EPS15L1: variants seen among roughly 807,000 people sequenced by gnomAD.
EPS15L1 encodes the protein epidermal growth factor receptor pathway substrate 15 like 1.
Under a neutral mutation model 117.1 loss-of-function variants are expected in EPS15L1, and 43 were observed. The observed-to-expected ratio is 0.37, with a 90% confidence interval of 0.29 to 0.47. The LOEUF (loss-of-function observed/expected upper bound fraction) is 0.47, where lower values mean the gene tolerates loss of function less well. Ranked by LOEUF, EPS15L1 falls within the 20% of genes least tolerant of loss-of-function variation. The pLI, the probability that EPS15L1 is intolerant of heterozygous loss-of-function variation, is 0.99. For synonymous variants in EPS15L1, 459 were observed against 470.5 expected (o/e 0.98, Z 0.32); for missense variants, 981 against 1,164.0 (o/e 0.84, Z 2.29).
intron 3 of EPS15L1, chr19:16,441,199 G>A (rs2363121): frequency 0.13 from 58,062 of 443,018 alleles, 4,066 homozygotes; most frequent in Non-Finnish European, 0.14. Context: ...GGCCAAGCGC[G>A]GTGGTTCACG....
At chr19:16,459,343 G>A (rs567928693) in intron 1 of EPS15L1, among the ~76,000 whole-genome samples, 2 of 152,276 alleles carry the variant, frequency 1.3e-5, no homozygotes, top group South Asian at 4.1e-4. Flanking sequence ...AAGTTGATTT[G>A]ATGGAAAAGC....
Position 16,404,187 on chromosome 19 carries a change from C to A in EPS15L1, c.1429-257G>T, listed in dbSNP as rs79576962. ...GAATAATGAGGGGCATGACCAAGCA[C>A]GAACAATCTGTCCATCCCCCCAGAG... On this transcript the variant is annotated intron_variant, in intron 14 of 23. Transcript: ENST00000455140. This position sits in a 1 kb window ranked among gnomAD's most constrained non-coding sequence, Gnocchi z 4.2. Among the ~76,000 whole-genome samples the A allele has an allele frequency of 1.3e-5, 2 of 152,176 alleles. No individual in the cohort carries two copies. The highest frequency in any genetic ancestry group is 2.4e-5 in the African/African-American group (1 of 41,444).
Position 16,440,853 on chromosome 19 carries a change from T to G in EPS15L1, c.213+9A>C, listed in dbSNP as rs762600976. The stretch of plus-strand genomic sequence containing the variant: ...CCCCTCCATTTGCTCTGTGTACATG[T>G]GTATATACCTGTTTGTCCAAGAACC... On this transcript the variant is annotated intron_variant, in intron 4 of 23. Transcript: ENST00000455140. The G allele has an allele frequency of 6.2e-7, 1 of 1,614,002 alleles. No homozygotes were observed. Among genetic ancestry groups the G allele is most frequent in the Non-Finnish European group, 8.5e-7 (1 of 1,179,876 alleles).
chr19:16,440,828 C>A (rs1428951616), intron 4 of EPS15L1, 34 bp downstream of exon 4: 4 of 1,609,862 alleles, frequency 2.5e-6, no homozygotes, highest in Non-Finnish European at 2.6e-6. Flanking sequence ...CTCTGCCCAG[C>A]CCCTCCATTT....
Position 16,405,162 on chromosome 19 carries a change from C to G in EPS15L1, c.1267-413G>C, listed in dbSNP as rs1371319823. ...ACCTTGTGGGCAGGGAAGATGCCCA[C>G]AAAAGCAGCATTTAGGATGGGGCCA... On this transcript the variant is annotated intron_variant, in intron 13 of 23. Transcript: ENST00000455140. This position sits in a 1 kb window ranked among gnomAD's most constrained non-coding sequence, Gnocchi z 4.0. Among the ~76,000 whole-genome samples, 1 of 152,204 alleles carries G rather than the reference C, an allele frequency of 6.6e-6. No homozygotes were observed. The highest frequency in any genetic ancestry group is 6.5e-5 in the Admixed American group (1 of 15,284).
chr19:16,453,150 A>G lies in EPS15L1; in HGVS notation c.34-10931T>C, dbSNP rs557250043. On this transcript the variant is annotated intron_variant, in intron 1 of 23. Coordinates refer to ENST00000455140, the MANE Select transcript of EPS15L1 (RefSeq NM_001258374.3). ...AGACTTGCTCTGTCACCCAGGCTAG[A>G]GTACAGTGGTGCCATCATAGCTCAC... 2.6e-5 allele frequency among the ~76,000 whole-genome samples: 4 copies of G among 152,192 alleles called. No individual in the cohort carries two copies. In the East Asian group the frequency reaches 7.7e-4, roughly 29 times the overall value.
chr19:16,418,522 C>G (rs760332867), intron 10 of EPS15L1, among the ~76,000 whole-genome samples: 47 of 152,242 alleles, frequency 3.1e-4, no homozygotes, highest in Admixed American at 6.5e-5. Flanking sequence ...TCTGGGTCAT[C>G]TGAATGGCCC....
chr19:16,440,837 T>G, intron 4 of EPS15L1, 25 bp downstream of exon 4: 5 of 1,613,098 alleles, frequency 3.1e-6, no homozygotes, highest in Non-Finnish European at 4.2e-6. Context: ...GCCCCTCCAT[T>G]TGCTCTGTGT....
rs911316376 is a variant in EPS15L1 at position 16,371,021 on chromosome 19, G to A, written c.2380+6101C>T. On this transcript the variant is annotated intron_variant, in intron 22 of 23. Coordinates refer to ENST00000455140, the MANE Select transcript of EPS15L1 (RefSeq NM_001258374.3). The surrounding 1 kb of genome is among the most constrained non-coding windows in gnomAD (Gnocchi z 4.7). ...TTGTAGAATTTCACATGTACCCACC[G>A]GATTATCTCTCTGAGATCATCGTGG... Among the ~76,000 whole-genome samples, 5 of 152,220 alleles carry A rather than the reference G, an allele frequency of 3.3e-5. No individual in the cohort carries two copies. Among genetic ancestry groups the A allele is most frequent in the Admixed American group, 2.0e-4 (3 of 15,284 alleles).
chr19:16,371,190 C>G lies in EPS15L1; in HGVS notation c.2380+5932G>C, dbSNP rs955594189. Among the ~76,000 whole-genome samples the G allele has an allele frequency of 6.6e-6, 1 of 152,090 alleles. No homozygotes were observed. The highest frequency in any genetic ancestry group is 2.4e-5 in the African/African-American group (1 of 41,404). On this transcript the variant is annotated intron_variant, in intron 22 of 23. Coordinates refer to ENST00000455140, the MANE Select transcript of EPS15L1 (RefSeq NM_001258374.3). This position sits in a 1 kb window ranked among gnomAD's most constrained non-coding sequence, Gnocchi z 4.7. ...CACATGATGGGGAGAGGTCACTGAG[C>G]CCTGGTTTCGATGTTGGCCTGGCAT...
chr19:16,430,895 T>C (rs1301838860), intron 7 of EPS15L1, among the ~76,000 whole-genome samples: 2 of 152,280 alleles, frequency 1.3e-5, no homozygotes, highest in South Asian at 4.1e-4. Flanking sequence ...GATGAATGGA[T>C]CATAGGGATG....
chr19:16,358,307 G>A (rs1465941761), intron 23 of EPS15L1: 2 of 153,114 alleles, frequency 1.3e-5, no homozygotes, highest in Admixed American at 1.3e-4. Flanking sequence ...ATGCACTTAG[G>A]AGGCACGCTG....
rs768910666 is a variant in EPS15L1, at chr19:16,395,325, T to G, written c.1915+19A>C. On this transcript the variant is annotated intron_variant, in intron 17 of 23. Transcript: ENST00000455140. ...AACACACAGTCTTTCAATGAGAAAGTGGGTAGCAAGTGAGATACCTTTGAA... is the reference window on the plus strand; with the variant it reads ...AACACACAGTCTTTCAATGAGAAAGGGGGTAGCAAGTGAGATACCTTTGAA... 1.2e-6 allele frequency: 2 copies of G among 1,608,168 alleles called. No homozygotes were observed. The highest frequency in any genetic ancestry group is 1.7e-5 in the Admixed American group (1 of 58,880).
chr19:16,364,698 C>T (rs958861333), intron 22 of EPS15L1, among the ~76,000 whole-genome samples: 2 of 152,206 alleles, frequency 1.3e-5, no homozygotes, highest in African/African-American at 2.4e-5. Context: ...GCAGCTCTGG[C>T]GGGCGGGGGT....
In EPS15L1 at chr19:16,471,963, C is replaced by A. The variant is rs1416276403; in HGVS notation, c.-18G>T. ...GCCGCCATCTTCCCGCGGACTCGGGCTCCGAGCGCCGGGGGAACGGGGGCG... is the reference window on the plus strand; with the variant it reads ...GCCGCCATCTTCCCGCGGACTCGGGATCCGAGCGCCGGGGGAACGGGGGCG... On this transcript the variant is annotated 5_prime_UTR_variant, in exon 1 of 24. Coordinates refer to ENST00000455140, the MANE Select transcript of EPS15L1 (RefSeq NM_001258374.3). This position sits in a 1 kb window ranked among gnomAD's most constrained non-coding sequence, Gnocchi z 4.8. 1.0e-5 allele frequency: 13 copies of A among 1,281,338 alleles called. No homozygotes were observed. The highest frequency in any genetic ancestry group is 4.9e-5 in the South Asian group (2 of 40,690). 79.4% of individuals were successfully genotyped at this position (1,281,338 alleles called of 1,614,324 possible).
intron 1 of EPS15L1, among the ~76,000 whole-genome samples, chr19:16,468,295 A>C (rs1291455264): frequency 6.6e-6 from 1 of 152,146 alleles, no homozygotes. Flanking sequence ...GAAGTGCAGG[A>C]AAGGGACCCA....
At chr19:16,379,350 T>C (rs150549431) in intron 21 of EPS15L1, among the ~76,000 whole-genome samples, 3 of 152,066 alleles carry the variant, frequency 2.0e-5, no homozygotes, top group East Asian at 1.9e-4. Context: ...TCCAAGAGCA[T>C]AGAAGAGAAA....
At chr19:16,387,487 A>T (rs552335014) in intron 19 of EPS15L1, among the ~76,000 whole-genome samples, 1 of 152,354 alleles carries the variant, frequency 6.6e-6, no homozygotes, top group Admixed American at 6.5e-5. Flanking sequence ...GATGCCTGTA[A>T]TCCCAGCTAC....
In EPS15L1 at chr19:16,361,952, C is replaced by T. The variant is rs1341862232; in HGVS notation, c.2413G>A (p.Ala805Thr). ...GGATCGGGGGCCTCGGGAAAGTCTG[C>T]GGAACCAAGCTGGCTTACAGGTGTA... ...KSTPVSQLGSADFPEAPDPFQ... is the reference protein window; with the variant it reads ...KSTPVSQLGSTDFPEAPDPFQ... Residue 805 changes from alanine (A) to threonine (T), a missense_variant, in exon 23 of 24, where the codon GCA (alanine) becomes ACA (threonine). Ala to Thr is a moderately conservative substitution (Grantham distance 58, BLOSUM62 0). Transcript: ENST00000455140. 3 of 1,612,342 alleles carry T rather than the reference C, an allele frequency of 1.9e-6. No individual in the cohort carries two copies. Among genetic ancestry groups the T allele is most frequent in the African/African-American group, 1.3e-5 (1 of 74,664 alleles).
Sources: gnomAD v4.1 joint callset for allele counts (sites outside exome capture counted in the v4.1 genomes callset) on GRCh38, gnomAD v4.1.1 for gene constraint, Gnocchi (gnomAD v3.1) non-coding constraint, MANE v1.5 for transcripts, NCBI Gene and HGNC (gene_info 2026-07-23, HGNC 2026-07-21) for gene names.